ZNF800: variants seen among roughly 807,000 people sequenced by gnomAD.
ZNF800 encodes zinc finger protein 800.
Under a neutral mutation model 59.5 loss-of-function variants are expected in ZNF800, and 13 were observed. The observed-to-expected ratio is 0.22, with a 90% CI of 0.14 to 0.35. ZNF800 has a LOEUF of 0.35. Among genes scored for constraint, ZNF800 ranks in the 10% least tolerant of loss-of-function variants. The probability of loss-of-function intolerance (pLI) is 1.00; values close to 1 mark genes in which losing one functional copy is unlikely to be tolerated. For missense variants in ZNF800, 621 were observed against 783.7 expected, an observed-to-expected ratio of 0.79 and a Z score of 2.48; for synonymous variants, 266 against 265.7, an observed-to-expected ratio of 1.00 and a Z score of -0.01.
At chr7:127,344,053 G>A (rs973545532), downstream of ZNF800, among the ~76,000 whole-genome samples, 1 of 151,934 alleles carries the variant, frequency 6.6e-6, no homozygotes, top group African/African-American at 2.4e-5. Flanking sequence ...AACAAATCAG[G>A]AATAAGGGCA....
intron 2 of ZNF800, 125 bp downstream of exon 2, chr7:127,391,372 G>A (rs1414222427): frequency 2.2e-6 from 2 of 925,428 alleles, no homozygotes; most frequent in South Asian, 1.4e-5. Flanking sequence ...ACTGGCTTAT[G>A]CTAGGGAATA....
Position 127,386,044 on chromosome 7 carries a change from C to G in ZNF800, c.157+16G>C. 1 of 1,575,474 alleles carries G rather than the reference C, an allele frequency of 6.3e-7. No individual in the cohort carries two copies. The highest frequency in any genetic ancestry group is 8.7e-7 in the Non-Finnish European group (1 of 1,149,208). On this transcript the variant is annotated intron_variant, in intron 3 of 5. Coordinates refer to ENST00000265827, the MANE Select transcript of ZNF800 (RefSeq NM_176814.5). ...ACTATGTGAAGATTGAAAAATATAT[C>G]CTAAAACATTCATACCTGATCGAAA...
chr7:127,353,705 C>T (rs1012536493), intron 1 of ZNF800, among the ~76,000 whole-genome samples: 1 of 152,104 alleles, frequency 6.6e-6, no homozygotes, highest in African/African-American at 2.4e-5. Flanking sequence ...TTATCATGGA[C>T]ATTTGGCATG....
rs369272832 is a variant in ZNF800, at chr7:127,374,956, C to T, written c.380G>A (p.Arg127Gln). Residue 127 changes from arginine to glutamine, a missense_variant, in exon 5 of 6, where the codon CGA becomes CAA. Arg to Gln is a conservative substitution (Grantham distance 43). Transcript: ENST00000265827. The part of the protein sequence containing the change: ...LEAIYPSVDK[R>Q]EYIIKLEPIE... ...GGGTTCTAGCTTAATAATATATTCT[C>T]GTTTGTCCACACTTGGATATATGGC... is the stretch of plus-strand genomic sequence containing the variant. 32 of 1,613,074 alleles carry T rather than the reference C, an allele frequency of 2.0e-5. No homozygotes were observed. In the South Asian group the frequency reaches 2.1e-4, roughly 11 times the overall value.
chr7:127,387,472 T>C (rs1261300072), intron 2 of ZNF800, among the ~76,000 whole-genome samples: 1 of 152,204 alleles, frequency 6.6e-6, no homozygotes, highest in African/African-American at 2.4e-5. Flanking sequence ...GCTTAGATTC[T>C]CCTTTATGCT....
chr7:127,365,104 T>C (rs1174428279), downstream of ZNF800, among the ~76,000 whole-genome samples: 1 of 152,094 alleles, frequency 6.6e-6, no homozygotes, highest in Non-Finnish European at 1.5e-5. Flanking sequence ...TATTAAGAAT[T>C]ATCAAGAAAA....
chr7:127,391,613 T>G lies in ZNF800; in HGVS notation c.-56A>C. The G allele has an allele frequency of 1.9e-6, 3 of 1,556,440 alleles. No individual in the cohort carries two copies. Among genetic ancestry groups the G allele is most frequent in the African/African-American group, 1.4e-5 (1 of 73,822 alleles). On this transcript the variant is annotated splice_region_variant and 5_prime_UTR_variant, in exon 2 of 6. Coordinates refer to ENST00000265827, the MANE Select transcript of ZNF800 (RefSeq NM_176814.5). The stretch of plus-strand genomic sequence containing the variant: ...CTGTAAGAAGCTCTTCATTGCGGCG[T>G]GGCTGTTGAAAGAAGCACAAACCCG...
In ZNF800 at chr7:127,356,334, A is replaced by C. The variant is rs140358962; in HGVS notation, n.225-8291T>G. 2.4e-3 allele frequency among the ~76,000 whole-genome samples: 362 copies of C among 152,040 alleles called. 2 individuals are homozygous for C. Among genetic ancestry groups the C allele is most frequent in the African/African-American group, 7.9e-3 (328 of 41,526 alleles). On this transcript the variant is annotated intron_variant and non_coding_transcript_variant, in intron 1 of 1. Coordinates refer to the ZNF800 transcript ENST00000485577. Reference sequence around the variant, plus strand: ...GTAGCATACTGATAAATCTTGTAAGAAATTTCTAAAAATGTATTTCTAAAA... The same window carrying C: ...GTAGCATACTGATAAATCTTGTAAGCAATTTCTAAAAATGTATTTCTAAAA...
intron 1 of ZNF800, chr7:127,359,979 A>G (rs1045400081): frequency 2.6e-5 from 4 of 152,156 alleles, no homozygotes; most frequent in Admixed American, 1.3e-4. Flanking sequence ...CTTATTGTTC[A>G]AAGTGTGGAT....
At chr7:127,375,106 A>C (rs1800755381) in intron 4 of ZNF800, 72 bp from the exon 5 acceptor site, 1 of 1,244,026 alleles carries the variant, frequency 8.0e-7, no homozygotes, top group Non-Finnish European at 1.1e-6. Flanking sequence ...TTTAAGATAT[A>C]TTATGAACCT....
intron 5 of ZNF800, among the ~76,000 whole-genome samples, chr7:127,372,073 T>C (rs539666879): frequency 6.6e-6 from 1 of 152,226 alleles, no homozygotes; most frequent in Non-Finnish European, 1.5e-5. Flanking sequence ...GACACAGGTA[T>C]AGAAGGTGAA....
In ZNF800 at chr7:127,373,499, T is replaced by C. The variant is rs771409270; in HGVS notation, c.1837A>G (p.Lys613Glu). The change falls in exon 5 of 6, where the codon AAA becomes GAA. Residue 613 changes from lysine (K) to glutamate (E), a missense_variant. Physicochemically the swap from Lys to Glu is moderately conservative, Grantham distance 56. Around this residue, in one of 7 missense-constraint regions of ZNF800, gnomAD observed 94 missense variants for 108.5 expected, o/e 0.87. Transcript: ENST00000265827. ...TTGCATCTGTGAAGAGAAAAGTTTT[T>C]TGTGACTTTTACTTCAATACCGACG... The part of the protein sequence containing the change: ...ADVGIEVKVT[K>E]NFSLHRCNKC... 5 of 1,614,186 alleles carry C rather than the reference T, an allele frequency of 3.1e-6. No individual in the cohort carries two copies. Among genetic ancestry groups the C allele is most frequent in the South Asian group, 1.1e-5 (1 of 91,084 alleles).
chr7:127,362,720 G>A (rs1000194624), intron 1 of ZNF800: 3 of 152,096 alleles, frequency 2.0e-5, no homozygotes, highest in African/African-American at 7.2e-5. Flanking sequence ...ATGACAGTAG[G>A]AAAGGAACAT....
At chr7:127,343,166 T>C (rs1359151269), downstream of ZNF800, among the ~76,000 whole-genome samples, 3 of 151,858 alleles carry the variant, frequency 2.0e-5, no homozygotes, top group East Asian at 3.8e-4. Context: ...AGCCATCAAT[T>C]AGTACAAAAC....
At chr7:127,384,629 CAAGT>C (rs2117184932) in intron 3 of ZNF800, among the ~76,000 whole-genome samples, 1 of 152,138 alleles carries the variant, frequency 6.6e-6, no homozygotes, top group Non-Finnish European at 1.5e-5. Context: ...AAACCTATAA[CAAGT>C]AATATTACTA....
At chr7:127,384,295 G>A (rs1388400836) in intron 3 of ZNF800, among the ~76,000 whole-genome samples, 1 of 133,320 alleles carries the variant, frequency 7.5e-6, no homozygotes, top group Non-Finnish European at 1.5e-5. Context: ...CTGCAGTGGC[G>A]CTATCTTGGC....
In ZNF800 at chr7:127,370,345, GCA is replaced by G. The variant is rs1800603094; in HGVS notation, c.*1467_*1468del. Reference sequence around the variant, plus strand: ...TTTCAACCAATGCACCTTTGCTGAAGCACATTTAGCTGAAATAACTTCGATTC... The same window carrying G: ...TTTCAACCAATGCACCTTTGCTGAAGCATTTAGCTGAAATAACTTCGATTC... On this transcript the variant is annotated 3_prime_UTR_variant, in exon 6 of 6. Transcript: ENST00000265827. 2 of 152,558 alleles carry G rather than the reference GCA, an allele frequency of 1.3e-5. No individual in the cohort carries two copies. The highest frequency in any genetic ancestry group is 4.8e-5 in the African/African-American group (2 of 41,442). The allele number at this position is 152,558 out of a possible 1,614,324, so 9.5% of individuals were successfully genotyped here.
chr7:127,361,106 G>A (rs1800384605), intron 1 of ZNF800: 1 of 152,194 alleles, frequency 6.6e-6, no homozygotes, highest in South Asian at 2.1e-4. Flanking sequence ...ACAAAACATG[G>A]TACTAACTGC....
At chr7:127,378,171 A>G (rs1333258174) in intron 3 of ZNF800, among the ~76,000 whole-genome samples, 1 of 152,116 alleles carries the variant, frequency 6.6e-6, no homozygotes, top group Non-Finnish European at 1.5e-5. Flanking sequence ...CAATGCTCAA[A>G]AACAATTTGT....
Sources: allele counts gnomAD v4.1 joint callset (sites outside exome capture counted in the v4.1 genomes callset), GRCh38; gene constraint gnomAD v4.1.1; regional missense constraint gnomAD v4.1.1; transcripts MANE v1.5; gene names NCBI Gene and HGNC (gene_info 2026-07-23, HGNC 2026-07-21).